Variants in PIK3C2G observed in about 807,000 individuals in gnomAD.
PIK3C2G encodes phosphatidylinositol 3-kinase C2 domain-containing subunit gamma.
Under a neutral mutation model 181.1 loss-of-function variants are expected in PIK3C2G, and 168 were observed. That is an observed-to-expected ratio of 0.93 (90% CI 0.82 to 1.05). The LOEUF (loss-of-function observed/expected upper bound fraction) is 1.05. Among genes scored for constraint, PIK3C2G ranks in the 50% least tolerant of loss-of-function variants. The pLI is 0.00. For missense variants in PIK3C2G, 1,869 were observed against 1,732.8 expected, an observed-to-expected ratio of 1.08 and a Z score of -1.40; for synonymous variants, 573 against 592.2, an observed-to-expected ratio of 0.97 and a Z score of 0.47.
intron 6 of PIK3C2G, among the ~76,000 whole-genome samples, chr12:18,316,687 G>A (rs949063560): frequency 2.0e-5 from 3 of 151,884 alleles, no homozygotes; most frequent in Admixed American, 2.0e-4. Flanking sequence ...CTGAGATCGC[G>A]CTACTGCACT....
At chr12:18,637,621 C>G (rs1228803716) in intron 31 of PIK3C2G, among the ~76,000 whole-genome samples, 1 of 152,162 alleles carries the variant, frequency 6.6e-6, no homozygotes, top group African/African-American at 2.4e-5. Context: ...GATCTAATTA[C>G]CCCCGTTGCA....
intron 11 of PIK3C2G, among the ~76,000 whole-genome samples, chr12:18,356,188 A>T (rs1237872684): frequency 1.3e-5 from 2 of 152,348 alleles, no homozygotes; most frequent in African/African-American, 2.4e-5. Context: ...GGCATAGCTC[A>T]GAGGAAAGTC....
chr12:18,373,769 C>T (rs1305335571), intron 13 of PIK3C2G, among the ~76,000 whole-genome samples: 1 of 151,864 alleles, frequency 6.6e-6, no homozygotes, highest in Non-Finnish European at 1.5e-5. Context: ...AGGAGAATGG[C>T]GTGAACCCGG....
At chr12:18,258,873 T>G (rs78159740), upstream of PIK3C2G, among the ~76,000 whole-genome samples, 9 of 152,202 alleles carry the variant, frequency 5.9e-5, no homozygotes, top group South Asian at 1.9e-3. Context: ...TATAAAGAAT[T>G]TCATATTCTA....
At chr12:18,319,841 C>T (rs555647772) in intron 6 of PIK3C2G, among the ~76,000 whole-genome samples, 3 of 152,206 alleles carry the variant, frequency 2.0e-5, no homozygotes, top group Non-Finnish European at 2.9e-5. Flanking sequence ...TGTCTTGTCA[C>T]CATCACACTT....
rs528088187 is a variant in PIK3C2G, at chr12:18,292,413, T to C, written c.919+1401T>C. 2.6e-5 allele frequency among the ~76,000 whole-genome samples: 4 copies of C among 151,908 alleles called. 1 individual carries two copies. In the South Asian group the frequency reaches 8.3e-4, roughly 32 times the overall value. ...TCTCACTCTCTGATCACTCATTTCC[T>C]TTGCTTATCTAAAACAAGTGGGAAG... On this transcript the variant is annotated intron_variant, in intron 4 of 32. Transcript: ENST00000538779.
At chr12:18,559,813 TATATATATAGAGAGAGAGAGAG>T (rs1325895138) in intron 26 of PIK3C2G, among the ~76,000 whole-genome samples, 4 of 27,958 alleles carry the variant, frequency 1.4e-4, no homozygotes, top group African/African-American at 2.6e-4. Flanking sequence ...TATATATATA[TATATATATAGAGAGAGAGAGAG>T]AGAGAGAGAG....
At chr12:18,665,512 G>T in the PIK3C2G span, among the ~76,000 whole-genome samples, 9 of 152,134 alleles carry the variant, frequency 5.9e-5, no homozygotes, top group Admixed American at 4.6e-4. Context: ...AATAATTATG[G>T]CCAGGTGTGG....
At chr12:18,497,110 C>A (rs1279084760) in intron 21 of PIK3C2G, among the ~76,000 whole-genome samples, 2 of 152,302 alleles carry the variant, frequency 1.3e-5, no homozygotes, top group Non-Finnish European at 2.9e-5. Context: ...TTTTAACTAT[C>A]TTCAAAATAA....
At chr12:18,341,671 T>C (rs11831223) in intron 9 of PIK3C2G, among the ~76,000 whole-genome samples, 2,396 of 152,232 alleles carry the variant, frequency 0.016, 79 homozygotes, top group African/African-American at 0.055. Context: ...TATGTAAGAG[T>C]ACTGGCACAC....
At chr12:18,579,010 C>T (rs575124109) in intron 29 of PIK3C2G, among the ~76,000 whole-genome samples, 1 of 152,158 alleles carries the variant, frequency 6.6e-6, no homozygotes, top group African/African-American at 2.4e-5. Flanking sequence ...CGCTTCTACA[C>T]TAAAACACAC....
intron 24 of PIK3C2G, among the ~76,000 whole-genome samples, chr12:18,522,491 C>T (rs1338698370): frequency 1.3e-5 from 2 of 150,494 alleles, no homozygotes; most frequent in Non-Finnish European, 2.9e-5. Context: ...TGAAGGACAA[C>T]TTTGCCAGGT....
intron 1 of PIK3C2G, among the ~76,000 whole-genome samples, chr12:18,254,935 C>T (rs1310398926): frequency 6.6e-6 from 1 of 151,434 alleles, no homozygotes; most frequent in African/African-American, 2.4e-5. Flanking sequence ...GAGGCCTGGG[C>T]TCAGTGGCTC....
intron 26 of PIK3C2G, among the ~76,000 whole-genome samples, chr12:18,553,996 G>A (rs1305679866): frequency 6.6e-6 from 1 of 152,014 alleles, no homozygotes; most frequent in Admixed American, 6.6e-5. Context: ...AATCAGTTAT[G>A]TTTTATAAAT....
At chr12:18,448,156 A>T (rs757852025) in intron 18 of PIK3C2G, among the ~76,000 whole-genome samples, 1 of 152,192 alleles carries the variant, frequency 6.6e-6, no homozygotes, top group African/African-American at 2.4e-5. Context: ...TGATTAAAAC[A>T]TACAATAAAA....
intron 20 of PIK3C2G, chr12:18,493,270 A>T (rs1034928809): frequency 1.3e-5 from 2 of 152,226 alleles, no homozygotes; most frequent in African/African-American, 4.8e-5. Context: ...AACCTTATTT[A>T]AATGGAAGCA....
At chr12:18,689,890 T>C in the PIK3C2G span, among the ~76,000 whole-genome samples, 2 of 152,088 alleles carry the variant, frequency 1.3e-5, no homozygotes, top group African/African-American at 2.4e-5. Context: ...GAGCAAGTCA[T>C]AAAGTAATCA....
intron 18 of PIK3C2G, among the ~76,000 whole-genome samples, chr12:18,485,537 T>C (rs1047917795): frequency 6.6e-6 from 1 of 152,228 alleles, no homozygotes; most frequent in Non-Finnish European, 1.5e-5. Context: ...ATCTAGATTT[T>C]ATGCATTCAT....
chr12:18,258,272 C>A (rs1254518095), upstream of PIK3C2G, among the ~76,000 whole-genome samples: 1 of 132,532 alleles, frequency 7.5e-6, no homozygotes, highest in African/African-American at 2.7e-5. Flanking sequence ...CATTACTTCC[C>A]ATACCATTTT....
Sources: gnomAD v4.1 joint callset for allele counts (sites outside exome capture counted in the v4.1 genomes callset) on GRCh38, gnomAD v4.1.1 for gene constraint, MANE v1.5 for transcripts, NCBI Gene and HGNC (gene_info 2026-07-23, HGNC 2026-07-21) for gene names.